Variants in TMEM132D observed in about 807,000 individuals in gnomAD.
TMEM132D encodes the protein transmembrane protein 132D.
In TMEM132D, 21 loss-of-function variants were observed where a neutral mutation model predicts 62.3. That is an observed-to-expected ratio of 0.34 (90% CI 0.24 to 0.49). The LOEUF (loss-of-function observed/expected upper bound fraction) is 0.49. TMEM132D is among the 20% of genes least tolerant of loss of function. The pLI is 0.99. For missense variants in TMEM132D, 1,346 were observed against 1,402.8 expected, an observed-to-expected ratio of 0.96 and a Z score of 0.65; for synonymous variants, 621 against 575.6, an observed-to-expected ratio of 1.08 and a Z score of -1.13.
At chr12:129,844,940 G>T (rs1469704111) in intron 1 of TMEM132D, among the ~76,000 whole-genome samples, 1 of 152,136 alleles carries the variant, frequency 6.6e-6, no homozygotes, top group Non-Finnish European at 1.5e-5. Flanking sequence ...ATCTGGTGAT[G>T]ATTATGCTCT....
chr12:129,410,869 T>G (rs916374337), intron 3 of TMEM132D, among the ~76,000 whole-genome samples: 2 of 152,234 alleles, frequency 1.3e-5, no homozygotes, highest in African/African-American at 4.8e-5. Context: ...ATATTAAGAC[T>G]TCTAATTCAA....
At chr12:129,273,055 G>C (rs1424641455) in intron 4 of TMEM132D, among the ~76,000 whole-genome samples, 3 of 151,754 alleles carry the variant, frequency 2.0e-5, no homozygotes, top group Non-Finnish European at 4.4e-5. Context: ...AATTAGCTGG[G>C]TGTGGTGGCA....
chr12:129,088,374 A>C (rs368884129), intron 5 of TMEM132D, among the ~76,000 whole-genome samples: 6 of 33,020 alleles, frequency 1.8e-4, no homozygotes, highest in African/African-American at 2.3e-4. Flanking sequence ...GGTGTCCTCC[A>C]TGACCGGGGT....
chr12:129,414,720 C>T (rs982233826), intron 3 of TMEM132D, among the ~76,000 whole-genome samples: 1 of 152,178 alleles, frequency 6.6e-6, no homozygotes, highest in South Asian at 2.1e-4. Context: ...TATTAACTAT[C>T]GTTACCATGC....
At chr12:129,747,277 T>C (rs192364329) in intron 1 of TMEM132D, among the ~76,000 whole-genome samples, 29 of 52,812 alleles carry the variant, frequency 5.5e-4, no homozygotes, top group Admixed American at 4.0e-3. Context: ...AGCTTGGACC[T>C]TTCCATCCGC....
At chr12:129,802,148 G>A (rs1871812056) in intron 1 of TMEM132D, among the ~76,000 whole-genome samples, 1 of 151,678 alleles carries the variant, frequency 6.6e-6, no homozygotes, top group African/African-American at 2.4e-5. Context: ...CCCCAATTTA[G>A]CAAGGCAGGC....
intron 1 of TMEM132D, among the ~76,000 whole-genome samples, chr12:129,833,348 C>T (rs749949933): frequency 3.9e-5 from 6 of 152,156 alleles, no homozygotes; most frequent in Non-Finnish European, 5.9e-5. Context: ...TGCCTGTAAT[C>T]CCAGCACTTT....
intron 3 of TMEM132D, among the ~76,000 whole-genome samples, chr12:129,354,768 A>G (rs1158267505): frequency 6.6e-6 from 1 of 152,188 alleles, no homozygotes; most frequent in African/African-American, 2.4e-5. Context: ...ATGAAGCTAA[A>G]CATTTGTCCA....
At chr12:129,301,631 A>G (rs551217447) in intron 4 of TMEM132D, among the ~76,000 whole-genome samples, 2 of 152,298 alleles carry the variant, frequency 1.3e-5, no homozygotes, top group East Asian at 3.9e-4. Context: ...AGCTGCAACC[A>G]TGAGCGCAAA....
In TMEM132D at chr12:129,801,953, A is replaced by G. The variant is rs1488090659; in HGVS notation, c.80-101255T>C. Among the ~76,000 whole-genome samples the G allele has an allele frequency of 8.6e-5, 13 of 151,658 alleles. No homozygotes were observed. In the East Asian group the frequency reaches 2.5e-3, roughly 30 times the overall value. ...AAGGGTATCAGCGATGGAAGATGAA[A>G]TGAATGAAATGAAGCGAGAAGGGAA... On this transcript the variant is annotated intron_variant, in intron 1 of 8. Transcript: ENST00000422113.
chr12:129,076,306 C>G (rs556598095), intron 8 of TMEM132D, among the ~76,000 whole-genome samples: 1 of 152,346 alleles, frequency 6.6e-6, no homozygotes, highest in East Asian at 1.9e-4. Context: ...CATGAAAGTG[C>G]TGACCTTCCC....
chr12:129,225,837 C>T (rs1373634739), intron 4 of TMEM132D, among the ~76,000 whole-genome samples: 2 of 152,174 alleles, frequency 1.3e-5, no homozygotes, highest in Non-Finnish European at 2.9e-5. Flanking sequence ...GTATAGGAGG[C>T]AGGAACCTGC....
intron 3 of TMEM132D, among the ~76,000 whole-genome samples, chr12:129,365,857 C>T (rs1025778003): frequency 2.0e-5 from 3 of 151,992 alleles, no homozygotes; most frequent in South Asian, 2.1e-4. Flanking sequence ...GCACACGTGC[C>T]GCAGGGGGGC....
At position 129,700,358 on chromosome 12, in the gene TMEM132D, C is replaced by G. The variant is rs1256777939; in HGVS notation, c.420G>C (p.Leu140=). Residue 140 remains leucine, a synonymous_variant, in exon 2 of 9, where the codon CTG becomes CTC. Transcript: ENST00000422113. ...KAHILRDKVY[L]SRPKVQVLFH... ...ACAGAACCTGCACTTTGGGCCGGCT[C>G]AGGTAGACTTTGTCCCGCAGGATGT... 1 of 1,614,008 alleles carries G rather than the reference C, an allele frequency of 6.2e-7. No homozygotes were observed. Among genetic ancestry groups the G allele is most frequent in the Non-Finnish European group, 8.5e-7 (1 of 1,180,062 alleles).
rs1555244565 is a variant in TMEM132D, at chr12:129,285,526, C to CAAAAAAAAAAAAAAAAAA, written c.1299+52107_1299+52108insTTTTTTTTTTTTTTTTTT. On this transcript the variant is annotated intron_variant, in intron 4 of 8. Transcript: ENST00000422113. ...TGGGTGACAGAGTGAGACTGTGTCTCAAAAAAAAAAAAAAGAGAGAGAGAG... is the reference window on the plus strand; with the variant it reads ...TGGGTGACAGAGTGAGACTGTGTCTCAAAAAAAAAAAAAAAAAAAAAAAAAAAAAAAAGAGAGAGAGAG... 2.7e-4 allele frequency among the ~76,000 whole-genome samples: 11 copies of CAAAAAAAAAAAAAAAAAA among 40,946 alleles called. 1 individual carries two copies. The highest frequency in any genetic ancestry group is 1.1e-3 in the East Asian group (1 of 914). 26.9% of individuals were successfully genotyped at this position (40,946 alleles called of 152,430 possible).
chr12:129,185,222 G>C (rs1878188111), intron 5 of TMEM132D, among the ~76,000 whole-genome samples: 1 of 152,238 alleles, frequency 6.6e-6, no homozygotes, highest in South Asian at 2.1e-4. Flanking sequence ...AGACCATCCA[G>C]GGCGTGAGGA....
At chr12:129,151,123 A>G (rs571844780) in intron 5 of TMEM132D, among the ~76,000 whole-genome samples, 6 of 152,190 alleles carry the variant, frequency 3.9e-5, no homozygotes, top group Non-Finnish European at 8.8e-5. Flanking sequence ...AGAAGCTGCA[A>G]TCTCCCCAAG....
At chr12:129,300,178 T>G (rs753878977) in intron 4 of TMEM132D, among the ~76,000 whole-genome samples, 1 of 152,186 alleles carries the variant, frequency 6.6e-6, no homozygotes, top group African/African-American at 2.4e-5. Flanking sequence ...TTGAGCCAGC[T>G]ACTTAATTAA....
chr12:129,814,523 A>C (rs1265768291), intron 1 of TMEM132D, among the ~76,000 whole-genome samples: 1 of 147,248 alleles, frequency 6.8e-6, no homozygotes, highest in Non-Finnish European at 1.5e-5. Flanking sequence ...AGGCAGGAGA[A>C]TCGCTTGAAC....
Sources: gnomAD v4.1 joint callset for allele counts (sites outside exome capture counted in the v4.1 genomes callset) on GRCh38, gnomAD v4.1.1 for gene constraint, MANE v1.5 for transcripts, NCBI Gene and HGNC (gene_info 2026-07-23, HGNC 2026-07-21) for gene names.